Variants in CMSS1 observed in about 807,000 individuals in gnomAD.
CMSS1 encodes protein CMSS1.
In CMSS1, 33 loss-of-function variants were observed where a neutral mutation model predicts 43.5. That is an observed-to-expected ratio of 0.76 (90% CI 0.57 to 1.01). CMSS1 has a LOEUF of 1.01. Among genes scored for constraint, CMSS1 ranks in the 50% least tolerant of loss-of-function variants. The pLI is 0.00. For missense variants in CMSS1, 313 were observed against 326.4 expected, an observed-to-expected ratio of 0.96 and a Z score of 0.32; for synonymous variants, 115 against 117.2, an observed-to-expected ratio of 0.98 and a Z score of 0.12.
intron 1 of CMSS1, among the ~76,000 whole-genome samples, chr3:100,065,401 G>C (rs1241598275): frequency 6.6e-6 from 1 of 152,178 alleles, no homozygotes; most frequent in Non-Finnish European, 1.5e-5. Flanking sequence ...GAGGAATAAA[G>C]TAACTTTGCC....
chr3:100,064,781 A>T (rs767600633), intron 1 of CMSS1, among the ~76,000 whole-genome samples: 14 of 152,054 alleles, frequency 9.2e-5, no homozygotes, highest in Non-Finnish European at 1.9e-4. Flanking sequence ...CTACTACATG[A>T]GAGTCAATTT....
At chr3:99,863,229 C>T (rs566212662) in intron 1 of CMSS1, among the ~76,000 whole-genome samples, 1 of 152,312 alleles carries the variant, frequency 6.6e-6, no homozygotes, top group Admixed American at 6.5e-5. Context: ...GCACAGTTCA[C>T]AATAGGGTTC....
At chr3:99,900,091 A>G (rs187034382) in intron 1 of CMSS1, among the ~76,000 whole-genome samples, 48 of 152,328 alleles carry the variant, frequency 3.2e-4, no homozygotes, top group African/African-American at 1.2e-3. Context: ...CATATCTAGA[A>G]CAGTGTTTCA....
At chr3:100,031,093 C>T (rs2065014783) in intron 1 of CMSS1, among the ~76,000 whole-genome samples, 1 of 152,046 alleles carries the variant, frequency 6.6e-6, no homozygotes, top group South Asian at 2.1e-4. Flanking sequence ...CTGTCAGATT[C>T]TATTTTTTTC....
intron 1 of CMSS1, among the ~76,000 whole-genome samples, chr3:100,144,950 G>A (rs1171932021): frequency 6.6e-6 from 1 of 152,086 alleles, no homozygotes; most frequent in Admixed American, 6.5e-5. Flanking sequence ...AATATGTAAT[G>A]TCTAGGATTT....
At chr3:99,953,443 C>G (rs969011376) in intron 1 of CMSS1, among the ~76,000 whole-genome samples, 3 of 152,058 alleles carry the variant, frequency 2.0e-5, no homozygotes, top group African/African-American at 7.2e-5. Flanking sequence ...GGTACAGATG[C>G]CTTTATGTCA....
At chr3:100,172,280 A>T (rs1419744861) in intron 7 of CMSS1, 36 bp from the exon 8 acceptor site, 9 of 1,575,304 alleles carry the variant, frequency 5.7e-6, no homozygotes, top group Non-Finnish European at 7.8e-6. Flanking sequence ...TTTCTTAATG[A>T]CTTCCTTTTC....
At chr3:100,031,003 G>A (rs2065013040) in intron 1 of CMSS1, among the ~76,000 whole-genome samples, 1 of 152,150 alleles carries the variant, frequency 6.6e-6, no homozygotes, top group Non-Finnish European at 1.5e-5. Context: ...GATAATATCT[G>A]TGTGAATATA....
At chr3:99,840,248 C>T (rs1943074473) in intron 1 of CMSS1, among the ~76,000 whole-genome samples, 1 of 95,432 alleles carries the variant, frequency 1.0e-5, no homozygotes, top group Admixed American at 1.4e-4. Context: ...TTTTTTGAGA[C>T]AGCCTTGCTC....
intron 1 of CMSS1, chr3:99,926,052 T>C (rs1335006793): frequency 1.7e-5 from 3 of 180,826 alleles, no homozygotes; most frequent in Non-Finnish European, 3.2e-5. Flanking sequence ...TGTTGATTGA[T>C]TTTTACAGTT....
At chr3:99,955,725 T>G (rs1708302726) in intron 1 of CMSS1, among the ~76,000 whole-genome samples, 1 of 152,106 alleles carries the variant, frequency 6.6e-6, no homozygotes, top group Non-Finnish European at 1.5e-5. Context: ...ATGTATTTAA[T>G]TGCTTGATTT....
chr3:99,915,438 G>C (rs1431327800), intron 1 of CMSS1, among the ~76,000 whole-genome samples: 1 of 152,126 alleles, frequency 6.6e-6, no homozygotes, highest in East Asian at 1.9e-4. Context: ...GATGCAATTA[G>C]TGTGAGGATT....
chr3:100,059,550 G>A (rs895819464), intron 1 of CMSS1, among the ~76,000 whole-genome samples: 3 of 152,184 alleles, frequency 2.0e-5, no homozygotes, highest in African/African-American at 7.2e-5. Flanking sequence ...TATCCTCCAA[G>A]GGTAGAGGGT....
chr3:99,978,661 A>T (rs1478054155), intron 1 of CMSS1, among the ~76,000 whole-genome samples: 4 of 152,176 alleles, frequency 2.6e-5, no homozygotes, highest in Non-Finnish European at 5.9e-5. Context: ...TTGGGTGTCC[A>T]AGGTGGGTGA....
intron 7 of CMSS1, 45 bp from the exon 8 acceptor site, chr3:100,172,271 T>C (rs1156478560): frequency 6.5e-7 from 1 of 1,541,304 alleles, no homozygotes; most frequent in East Asian, 2.2e-5. Flanking sequence ...AGATAGCACT[T>C]TCTTAATGAC....
chr3:99,823,916 T>C (rs573763618), intron 1 of CMSS1, among the ~76,000 whole-genome samples: 2 of 151,706 alleles, frequency 1.3e-5, no homozygotes, highest in Admixed American at 6.6e-5. Context: ...TGGCTGGCTT[T>C]CTTTCTTTCT....
intron 1 of CMSS1, among the ~76,000 whole-genome samples, chr3:99,912,248 A>C (rs1048981072): frequency 6.6e-5 from 10 of 152,332 alleles, no homozygotes; most frequent in African/African-American, 2.2e-4. Context: ...AGGGACAAAT[A>C]GCTACATCTT....
intron 8 of CMSS1, among the ~76,000 whole-genome samples, chr3:100,172,993 ATT>A (rs1248180247): frequency 2.0e-5 from 3 of 152,252 alleles, no homozygotes; most frequent in African/African-American, 7.2e-5. Context: ...AGATTGAATG[ATT>A]TCTTTTCAAT....
rs377160279 is a variant in CMSS1, at chr3:100,126,826, G to A, written c.65-20147G>A. 5.8e-4 allele frequency among the ~76,000 whole-genome samples: 89 copies of A among 152,194 alleles called. 2 individuals are homozygous for A. In the South Asian group the frequency reaches 9.3e-3, roughly 16 times the overall value. ...ATCCTGGCTAACACGGTGAAACTCC[G>A]TCTCTACTAAAAATACAAAAAATTA... On this transcript the variant is annotated intron_variant, in intron 1 of 9. Transcript: ENST00000421999.
Sources: allele counts gnomAD v4.1 joint callset (sites outside exome capture counted in the v4.1 genomes callset), GRCh38; gene constraint gnomAD v4.1.1; transcripts MANE v1.5; gene names NCBI Gene and HGNC (gene_info 2026-07-23, HGNC 2026-07-21).